COL10A1: variants seen among roughly 807,000 people sequenced by gnomAD.
The protein encoded by COL10A1 is collagen alpha-1(X) chain.
In COL10A1, 10 loss-of-function variants were observed where a neutral mutation model predicts 18.2. That is an observed-to-expected ratio of 0.55 (90% CI 0.34 to 0.93). COL10A1 has a LOEUF of 0.93. COL10A1 is among the 40% of genes least tolerant of loss of function. The pLI, the probability that COL10A1 is intolerant of heterozygous loss-of-function variation, is 0.02. For synonymous variants in COL10A1, 330 were observed against 316.6 expected, an observed-to-expected ratio of 1.04 and a Z score of -0.45; for missense variants, 897 against 853.5, an observed-to-expected ratio of 1.05 and a Z score of -0.64.
At chr6:116,159,385 A>G (rs1176545471), upstream of COL10A1, among the ~76,000 whole-genome samples, 3 of 152,166 alleles carry the variant, frequency 2.0e-5, no homozygotes, top group Admixed American at 6.5e-5. Flanking sequence ...TAATTATTTG[A>G]GAATTTACAC....
the COL10A1 span, among the ~76,000 whole-genome samples, chr6:116,182,282 CTT>C: frequency 2.1e-5 from 3 of 145,110 alleles, no homozygotes; most frequent in African/African-American, 7.9e-5. Flanking sequence ...TTTATCCACT[CTT>C]TGATTGATGA....
At chr6:116,172,607 A>C in the COL10A1 span, among the ~76,000 whole-genome samples, 1 of 152,162 alleles carries the variant, frequency 6.6e-6, no homozygotes, top group Admixed American at 6.5e-5. Context: ...GGTGTGAGCC[A>C]CCGCGCCAGG....
Position 116,147,015 on chromosome 6 carries a change from T to A in COL10A1, c.-16+11599A>T, listed in dbSNP as rs948457843. Among the ~76,000 whole-genome samples the A allele has an allele frequency of 3.7e-5, 5 of 136,084 alleles. No homozygotes were observed. In the East Asian group the frequency reaches 6.0e-4, roughly 16 times the overall value. 89.3% of individuals were successfully genotyped at this position (136,084 alleles called of 152,430 possible). A position where few individuals can be genotyped will look rare whatever the true frequency, so the allele number is the denominator to read the frequency against. Reference sequence around the variant, plus strand: ...AATAATATAAAATATATATATATATTTTTAATCATGTAGTCAGAAAGCCTT... The same window carrying A: ...AATAATATAAAATATATATATATATATTTAATCATGTAGTCAGAAAGCCTT... On this transcript the variant is annotated intron_variant, in intron 1 of 1. Transcript: ENST00000418500.
At chr6:116,145,305 G>A (rs762105218) in intron 1 of COL10A1, 2 of 208,102 alleles carry the variant, frequency 9.6e-6, no homozygotes, top group Non-Finnish European at 1.1e-5. Context: ...CTTATCATAC[G>A]TTTTGTCAGA....
the COL10A1 span, among the ~76,000 whole-genome samples, chr6:116,193,282 T>C: frequency 6.6e-6 from 1 of 152,088 alleles, no homozygotes; most frequent in Non-Finnish European, 1.5e-5. Flanking sequence ...ATATTGTGCT[T>C]TCCTTATAGG....
chr6:116,157,103 G>A (rs1780214955), intron 1 of COL10A1, among the ~76,000 whole-genome samples: 1 of 152,124 alleles, frequency 6.6e-6, no homozygotes, highest in Non-Finnish European at 1.5e-5. Flanking sequence ...GCAATTACAT[G>A]GATTATTTGG....
the COL10A1 span, among the ~76,000 whole-genome samples, chr6:116,170,391 T>C: frequency 1.3e-5 from 2 of 152,164 alleles, no homozygotes; most frequent in African/African-American, 4.8e-5. Flanking sequence ...ACGTAGTTGG[T>C]GTGCTTGTAG....
the COL10A1 span, among the ~76,000 whole-genome samples, chr6:116,210,465 A>G: frequency 9.2e-3 from 1,394 of 151,978 alleles, 21 homozygotes; most frequent in African/African-American, 0.032. Context: ...CCGAAAGCAG[A>G]CCGCCTGCAT....
At chr6:116,158,157 C>T (rs2114418158) in intron 1 of COL10A1, among the ~76,000 whole-genome samples, 1 of 152,248 alleles carries the variant, frequency 6.6e-6, no homozygotes, top group East Asian at 1.9e-4. Context: ...GTTTTTATTA[C>T]AAATAAATCT....
the COL10A1 span, among the ~76,000 whole-genome samples, chr6:116,195,407 C>CT: frequency 2.0e-5 from 3 of 151,236 alleles, no homozygotes; most frequent in Non-Finnish European, 3.0e-5. Flanking sequence ...ATTAAATTAA[C>CT]TTTTTTTTTA....
the COL10A1 span, among the ~76,000 whole-genome samples, chr6:116,213,293 T>G: frequency 6.6e-6 from 1 of 152,096 alleles, no homozygotes; most frequent in Non-Finnish European, 1.5e-5. Flanking sequence ...TTGAAGCTTT[T>G]AGCTCAACAC....
chr6:116,212,827 T>C, the COL10A1 span, among the ~76,000 whole-genome samples: 1 of 152,156 alleles, frequency 6.6e-6, no homozygotes, highest in Admixed American at 6.6e-5. Context: ...GATAAGTATG[T>C]AGAATTTGCT....
chr6:116,195,998 G>A, the COL10A1 span, among the ~76,000 whole-genome samples: 1,774 of 152,136 alleles, frequency 0.012, 36 homozygotes, highest in African/African-American at 0.041. Flanking sequence ...CATCTGTCTA[G>A]TACTTGTTTG....
upstream of COL10A1, among the ~76,000 whole-genome samples, chr6:116,161,435 C>T (rs545746050): frequency 3.3e-5 from 5 of 151,446 alleles, no homozygotes; most frequent in Non-Finnish European, 5.9e-5. Flanking sequence ...AATAGGGGTC[C>T]AGTTTTATTC....
the COL10A1 span, among the ~76,000 whole-genome samples, chr6:116,205,428 T>C: frequency 8.6e-5 from 13 of 151,630 alleles, no homozygotes; most frequent in Non-Finnish European, 1.9e-4. Context: ...AATTTTAAAA[T>C]AACATTTAAC....
the COL10A1 span, among the ~76,000 whole-genome samples, chr6:116,172,479 G>A: frequency 4.0e-5 from 6 of 151,714 alleles, no homozygotes; most frequent in African/African-American, 1.2e-4. Context: ...ACGCCACCAC[G>A]CCCAGCCAAT....
Position 116,121,449 on chromosome 6 carries a change from C to T in COL10A1, c.667G>A (p.Gly223Ser), listed in dbSNP as rs759656228. 3.7e-6 allele frequency: 6 copies of T among 1,614,174 alleles called. No individual in the cohort carries two copies. The highest frequency in any genetic ancestry group is 3.3e-5 in the South Asian group (3 of 91,084). The change falls in exon 3 of 3, where the codon GGT becomes AGT. Residue 223 changes from glycine (G) to serine (S), a missense_variant. By Grantham distance (56) the Gly-to-Ser change is moderately conservative. Coordinates refer to ENST00000651968, the MANE Select transcript of COL10A1 (RefSeq NM_000493.4). ...GGCTGTCCTGGAACCCCATTTTCACCTCTTTTTCCCACTCCAGGAGGGCCA... is the reference window on the plus strand; with the variant it reads ...GGCTGTCCTGGAACCCCATTTTCACTTCTTTTTCCCACTCCAGGAGGGCCA... ...PSGPPGVGKR[G>S]ENGVPGQPGI...
chr6:116,128,845 A>G (rs1422814987), upstream of COL10A1, among the ~76,000 whole-genome samples: 1 of 152,172 alleles, frequency 6.6e-6, no homozygotes, highest in African/African-American at 2.4e-5. Context: ...GTATAGTCTG[A>G]TATCAGTGTT....
chr6:116,186,568 A>G, the COL10A1 span, among the ~76,000 whole-genome samples: 6 of 151,942 alleles, frequency 3.9e-5, no homozygotes, highest in East Asian at 1.2e-3. Flanking sequence ...GGCTTTGTTC[A>G]TTTTTATTTA....
Sources: gnomAD v4.1 joint callset for allele counts (sites outside exome capture counted in the v4.1 genomes callset) on GRCh38, gnomAD v4.1.1 for gene constraint, MANE v1.5 for transcripts, NCBI Gene and HGNC (gene_info 2026-07-23, HGNC 2026-07-21) for gene names.